KRT79: variants seen among roughly 807,000 people sequenced by gnomAD.
KRT79 encodes keratin, type II cytoskeletal 79.
KRT79 carries 51 observed loss-of-function variants against 49.0 expected under a neutral mutation model. That is an observed-to-expected ratio of 1.04 (90% CI 0.83 to 1.31). The LOEUF (loss-of-function observed/expected upper bound fraction) is 1.31. Ranked by LOEUF, KRT79 falls within the 40% of genes most tolerant of loss-of-function variation. The pLI, the probability that KRT79 is intolerant of heterozygous loss-of-function variation, is 0.00. For synonymous variants in KRT79, 312 were observed against 286.6 expected, an observed-to-expected ratio of 1.09 and a Z score of -0.90; for missense variants, 728 against 688.0, an observed-to-expected ratio of 1.06 and a Z score of -0.65.
chr12:52,826,965 G>C (rs2121281738), intron 4 of KRT79, among the ~76,000 whole-genome samples: 1 of 152,216 alleles, frequency 6.6e-6, no homozygotes. Flanking sequence ...ACCTCTGACA[G>C]GAAAGGGCCC....
In KRT79 at chr12:52,827,227, C is replaced by A. The variant is rs1940188024; in HGVS notation, c.855+2796G>T. On this transcript the variant is annotated intron_variant, in intron 4 of 8. Coordinates refer to ENST00000330553, the MANE Select transcript of KRT79 (RefSeq NM_175834.3). ...CCGCAGCCCTCCCAGGAAGGGTCAG[C>A]CATGGCGTCCCATGTGCCTTTGCAC... Among the ~76,000 whole-genome samples, 4 of 83,024 alleles carry A rather than the reference C, an allele frequency of 4.8e-5. No homozygotes were observed. In the Middle Eastern group the frequency reaches 0.025, roughly 512 times the overall value. 54.5% of individuals were successfully genotyped at this position (83,024 alleles called of 152,430 possible).
At chr12:52,829,282 T>TACCC (rs1940216541) in intron 4 of KRT79, among the ~76,000 whole-genome samples, 1 of 152,138 alleles carries the variant, frequency 6.6e-6, no homozygotes, top group African/African-American at 2.4e-5. Context: ...CCTCACCTTC[T>TACCC]ACTCCAATCT....
intron 4 of KRT79, 151 bp downstream of exon 4, chr12:52,829,872 C>T: frequency 1.5e-6 from 1 of 677,642 alleles, no homozygotes; most frequent in Non-Finnish European, 2.6e-6. Flanking sequence ...GCCTGGGTAA[C>T]ACAGCGAAAC....
intron 2 of KRT79, among the ~76,000 whole-genome samples, chr12:52,831,127 A>G (rs1429407214): frequency 6.6e-6 from 1 of 152,226 alleles, no homozygotes; most frequent in Non-Finnish European, 1.5e-5. Context: ...AAAAAATGCA[A>G]CAAGATTGGT....
At chr12:52,826,374 A>G (rs1272854548) in intron 4 of KRT79, among the ~76,000 whole-genome samples, 1 of 151,964 alleles carries the variant, frequency 6.6e-6, no homozygotes, top group Non-Finnish European at 1.5e-5. Context: ...TTAGCCAGGC[A>G]TGGTGACGTG....
At chr12:52,824,431 G>A (rs1940149271) in intron 4 of KRT79, 69 bp from the exon 5 acceptor site, 1 of 1,511,320 alleles carries the variant, frequency 6.6e-7, no homozygotes, top group East Asian at 2.3e-5. Context: ...GAGGGTGAAG[G>A]ACATGGGCCC....
rs759754186 is a variant in KRT79 at position 52,833,885 on chromosome 12, G to A, written c.376C>T (p.Pro126Ser). ...TCGGGGTCAATCTCCACATGGAGGG[G>A]GGTCAGCAGGCTCTGGTTGACAGTG... The part of the protein sequence containing the change: ...EVTVNQSLLT[P>S]LHVEIDPEIQ... The change falls in exon 1 of 9, where the codon CCC becomes TCC. Residue 126 changes from proline to serine, a missense_variant. Pro to Ser is a moderately conservative substitution (Grantham distance 74). Transcript: ENST00000330553. 1.1e-5 allele frequency: 18 copies of A among 1,613,752 alleles called. No homozygotes were observed. The highest frequency in any genetic ancestry group is 1.5e-5 in the Non-Finnish European group (18 of 1,179,934).
chr12:52,823,783 T>C (rs117349910), intron 6 of KRT79, 104 bp downstream of exon 6: 34,735 of 1,326,032 alleles, frequency 0.026, 516 homozygotes, highest in Non-Finnish European at 0.03. Context: ...CCTAGCATTC[T>C]ATTGTGTCCG....
In KRT79 at chr12:52,823,886, C is replaced by T. The variant is rs761370167; in HGVS notation, c.1146+1G>A. On this transcript the variant is annotated splice_donor_variant, in intron 6 of 8. Coordinates refer to ENST00000330553, the MANE Select transcript of KRT79 (RefSeq NM_175834.3). LOFTEE classifies it high-confidence loss of function. ...CCCCCAAGCCCCCAGTAGAGTCCCA[C>T]CTGCTTCTTGGCTGCATCAGCCTCC... 5.0e-6 allele frequency: 8 copies of T among 1,612,782 alleles called. No homozygotes were observed. The highest frequency in any genetic ancestry group is 6.8e-6 in the Non-Finnish European group (8 of 1,179,770).
chr12:52,833,825 T>C lies in KRT79; in HGVS notation c.436A>G (p.Ile146Val). The C allele has an allele frequency of 6.2e-7, 1 of 1,613,804 alleles. No homozygotes were observed. Among genetic ancestry groups the C allele is most frequent in the Non-Finnish European group, 8.5e-7 (1 of 1,179,974 alleles). ...GCGAACTTGTTGTTGAGGGTCTTGA[T>C]CTGCTCCCGCTCCTGAGTGCGCACT... ...QRVRTQEREQ[I>V]KTLNNKFASF... Residue 146 changes from isoleucine to valine, a missense_variant, in exon 1 of 9, where the codon ATC (isoleucine) becomes GTC (valine). Transcript: ENST00000330553.
chr12:52,823,906 G>A lies in KRT79; in HGVS notation c.1127C>T (p.Ala376Val). The A allele has an allele frequency of 6.2e-7, 1 of 1,613,630 alleles. No individual in the cohort carries two copies. The highest frequency in any genetic ancestry group is 1.7e-4 in the Middle Eastern group (1 of 5,872). Residue 376 changes from alanine to valine, a missense_variant, in exon 6 of 9, where the codon GCT becomes GTT. Transcript: ENST00000330553. ...TRTIQRLQGE[A>V]DAAKKQCQQL... ...TCCCACCTGCTTCTTGGCTGCATCA[G>A]CCTCCCCCTGCAGCCTCTGGATAGT...
chr12:52,823,820 C>T (rs201910271), intron 6 of KRT79, 67 bp downstream of exon 6: 57 of 1,548,512 alleles, frequency 3.7e-5, no homozygotes, highest in East Asian at 9.0e-5. Context: ...CCTAGCCCCT[C>T]GGGGTGACAA....
intron 7 of KRT79, 38 bp downstream of exon 7, chr12:52,822,978 C>G (rs755525088): frequency 1.9e-6 from 3 of 1,598,486 alleles, no homozygotes; most frequent in South Asian, 2.2e-5. Context: ...AGGGCAGGCC[C>G]GACCCAGCTT....
intron 2 of KRT79, among the ~76,000 whole-genome samples, chr12:52,830,828 A>G (rs1940242442): frequency 6.6e-6 from 1 of 152,228 alleles, no homozygotes; most frequent in South Asian, 2.1e-4. Context: ...TTTTAAATTT[A>G]TGACATGTAT....
chr12:52,823,115 G>T lies in KRT79; in HGVS notation c.1268C>A (p.Thr423Lys). 1.2e-6 allele frequency: 2 copies of T among 1,614,208 alleles called. No individual in the cohort carries two copies. Among genetic ancestry groups the T allele is most frequent in the Non-Finnish European group, 1.7e-6 (2 of 1,180,038 alleles). ...VALHQAKEDL[T>K]RLLRDYQELM... is the part of the protein sequence containing the mutation. ...CTCCTGGTAGTCACGCAGCAGCCGT[G>T]TCAGGTCCTCCTTGGCCTGGTGCAG... Residue 423 changes from threonine to lysine, a missense_variant, in exon 7 of 9, where the codon ACA (threonine) becomes AAA (lysine). Thr to Lys is a moderately conservative substitution (Grantham distance 78). Coordinates refer to ENST00000330553, the MANE Select transcript of KRT79 (RefSeq NM_175834.3).
rs758217777 is a variant in KRT79, at chr12:52,824,339, G to A, written c.879C>T (p.His293=). 2.0e-5 allele frequency: 33 copies of A among 1,614,042 alleles called. No individual in the cohort carries two copies. The highest frequency in any genetic ancestry group is 4.0e-5 in the African/African-American group (3 of 74,916). Residue 293 remains histidine, a synonymous_variant, in exon 5 of 9, where the codon CAC becomes CAT. Coordinates refer to ENST00000330553, the MANE Select transcript of KRT79 (RefSeq NM_175834.3). ...ACAGCACCACATTGGTGTTAGACAC[G>A]TGGGTCTGCACTTGGCTCAGCTCCT... ...YEMELSQVQT[H]VSNTNVVLSM... is the part of the protein sequence containing the mutation.
intron 2 of KRT79, among the ~76,000 whole-genome samples, chr12:52,830,903 T>C (rs114720471): frequency 1.3e-5 from 2 of 152,170 alleles, no homozygotes; most frequent in East Asian, 1.9e-4. Context: ...TGTTTTAAAA[T>C]TTTTTAGGTG....
chr12:52,822,487 T>TGACA, intron 7 of KRT79, 108 bp from the exon 8 acceptor site: 1 of 743,812 alleles, frequency 1.3e-6, no homozygotes, highest in South Asian at 1.9e-5. Flanking sequence ...TGAATCCTGA[T>TGACA]GACAAGACCA....
intron 2 of KRT79, chr12:52,830,577 G>C: frequency 2.4e-6 from 1 of 414,030 alleles, no homozygotes; most frequent in South Asian, 3.3e-5. Context: ...AGGCTTTAGA[G>C]GGACAAGTGA....
Sources: allele counts gnomAD v4.1 joint callset (sites outside exome capture counted in the v4.1 genomes callset), GRCh38; gene constraint gnomAD v4.1.1; transcripts MANE v1.5; gene names NCBI Gene and HGNC (gene_info 2026-07-23, HGNC 2026-07-21).